Variants in COLEC12 observed in about 807,000 individuals in gnomAD.
COLEC12 encodes collectin-12.
In COLEC12, 33 loss-of-function variants were observed where a neutral mutation model predicts 71.1. The observed-to-expected ratio is 0.46, with a 90% CI of 0.35 to 0.62. The LOEUF (loss-of-function observed/expected upper bound fraction) is 0.62. Among genes scored for constraint, COLEC12 ranks in the 20% least tolerant of loss-of-function variants. The pLI is 0.00. For missense variants in COLEC12, 765 were observed against 916.1 expected (o/e 0.84, Z 2.13); for synonymous variants, 350 against 353.0 (o/e 0.99, Z 0.10).
At chr18:414,734 AGAT>A (rs1299225246) in intron 2 of COLEC12, among the ~76,000 whole-genome samples, 1 of 152,202 alleles carries the variant, frequency 6.6e-6, no homozygotes, top group Non-Finnish European at 1.5e-5. Context: ...GGCGGCCCAG[AGAT>A]GAAGTGACTT....
At chr18:417,596 C>T (rs141218171) in intron 2 of COLEC12, among the ~76,000 whole-genome samples, 50 of 152,306 alleles carry the variant, frequency 3.3e-4, no homozygotes, top group African/African-American at 1.1e-3. Flanking sequence ...CTTGCCCTAC[C>T]TTCTGGGCAG....
intron 8 of COLEC12, among the ~76,000 whole-genome samples, chr18:322,382 T>C (rs1362292877): frequency 3.3e-5 from 5 of 152,226 alleles, no homozygotes; most frequent in African/African-American, 7.2e-5. Flanking sequence ...TTGTAGAAGG[T>C]TGATTGCTTT....
At chr18:368,215 C>T (rs1274285) in intron 2 of COLEC12, among the ~76,000 whole-genome samples, 93,674 of 152,086 alleles carry the variant, frequency 0.62, 29,146 homozygotes, top group South Asian at 0.7. Flanking sequence ...TACGTTTGTA[C>T]ACACACACAC....
In COLEC12 at chr18:348,062, T is replaced by G; in HGVS notation, c.280+3A>C. Reference sequence around the variant, plus strand: ...TTCATGGTTTAGTCTTGTCACAGATTACCTAATTTTTTCAGGTCACTTTCC... The same window carrying G: ...TTCATGGTTTAGTCTTGTCACAGATGACCTAATTTTTTCAGGTCACTTTCC... On this transcript the variant is annotated splice_donor_region_variant and intron_variant, in intron 4 of 9. Transcript: ENST00000400256. The G allele has an allele frequency of 1.9e-6, 3 of 1,602,912 alleles. No individual in the cohort carries two copies. The highest frequency in any genetic ancestry group is 2.6e-6 in the Non-Finnish European group (3 of 1,170,030).
intron 2 of COLEC12, among the ~76,000 whole-genome samples, chr18:468,155 G>A (rs753044881): frequency 9.2e-5 from 14 of 151,954 alleles, no homozygotes; most frequent in Non-Finnish European, 1.9e-4. Flanking sequence ...CCAGCTGCTC[G>A]GGAGGCTGAG....
intron 2 of COLEC12, among the ~76,000 whole-genome samples, chr18:478,470 G>A (rs988394019): frequency 2.0e-5 from 3 of 152,084 alleles, no homozygotes; most frequent in African/African-American, 7.2e-5. Flanking sequence ...AAAATTAGCT[G>A]GACATAGTGG....
intron 2 of COLEC12, among the ~76,000 whole-genome samples, chr18:369,452 T>G (rs1002552621): frequency 1.2e-5 from 1 of 84,028 alleles, no homozygotes; most frequent in African/African-American, 4.8e-5. Context: ...GAATAATGTT[T>G]TTTTTTTTTA....
At position 452,416 on chromosome 18, in the gene COLEC12, G is replaced by C. The variant is rs538453868; in HGVS notation, c.58+28291C>G. On this transcript the variant is annotated intron_variant, in intron 2 of 9. Coordinates refer to ENST00000400256, the MANE Select transcript of COLEC12 (RefSeq NM_130386.3). ...AAACGGGGAGTACAGCACAGTGCCT[G>C]GCATATGGTAAGCTCTCACTAAATG... Among the ~76,000 whole-genome samples, 13 of 152,274 alleles carry C rather than the reference G, an allele frequency of 8.5e-5. No homozygotes were observed. In the East Asian group the frequency reaches 9.6e-4, roughly 11 times the overall value.
At chr18:397,432 A>G (rs1016699147) in intron 2 of COLEC12, among the ~76,000 whole-genome samples, 1 of 152,236 alleles carries the variant, frequency 6.6e-6, no homozygotes, top group Non-Finnish European at 1.5e-5. Flanking sequence ...AAGATATATG[A>G]TAACAATTAT....
chr18:340,383 TGTCA>T (rs1914223792), intron 5 of COLEC12, among the ~76,000 whole-genome samples: 1 of 152,184 alleles, frequency 6.6e-6, no homozygotes, highest in South Asian at 2.1e-4. Context: ...GGGTTTGTGC[TGTCA>T]GTGACACCTC....
At chr18:490,223 G>A (rs534801301) in intron 1 of COLEC12, among the ~76,000 whole-genome samples, 2 of 152,338 alleles carry the variant, frequency 1.3e-5, no homozygotes, top group Admixed American at 6.5e-5. Context: ...CAGGGAAAAC[G>A]TGAGACCAGC....
At chr18:341,075 C>T (rs1914241568) in intron 5 of COLEC12, among the ~76,000 whole-genome samples, 1 of 152,198 alleles carries the variant, frequency 6.6e-6, no homozygotes, top group Non-Finnish European at 1.5e-5. Flanking sequence ...ATTGCACTGT[C>T]CCCTGTCCCG....
chr18:348,961 A>C (rs1349788555), intron 3 of COLEC12, among the ~76,000 whole-genome samples: 1 of 152,180 alleles, frequency 6.6e-6, no homozygotes, highest in African/African-American at 2.4e-5. Context: ...GATAATTTGA[A>C]TAATGGGGGT....
intron 2 of COLEC12, among the ~76,000 whole-genome samples, chr18:437,267 G>A (rs73356599): frequency 2.0e-5 from 3 of 152,298 alleles, no homozygotes; most frequent in African/African-American, 4.8e-5. Context: ...CATAAAGACC[G>A]AGAAAGAACA....
At chr18:364,941 T>C (rs1227602776) in intron 2 of COLEC12, among the ~76,000 whole-genome samples, 2 of 151,908 alleles carry the variant, frequency 1.3e-5, no homozygotes, top group Non-Finnish European at 2.9e-5. Flanking sequence ...GAGCTGGGAG[T>C]TGAACCCAAA....
chr18:372,811 G>A (rs1915029745), intron 2 of COLEC12, among the ~76,000 whole-genome samples: 1 of 152,148 alleles, frequency 6.6e-6, no homozygotes, highest in Non-Finnish European at 1.5e-5. Context: ...TCTGCCAAGG[G>A]GACATTTAAC....
At chr18:356,606 G>A (rs1041652229) in intron 3 of COLEC12, among the ~76,000 whole-genome samples, 4 of 152,196 alleles carry the variant, frequency 2.6e-5, no homozygotes, top group Admixed American at 2.6e-4. Flanking sequence ...CAGACTCCAC[G>A]TCTGCCTCTG....
intron 2 of COLEC12, among the ~76,000 whole-genome samples, chr18:419,191 C>G (rs1180761990): frequency 2.1e-5 from 3 of 143,394 alleles, no homozygotes; most frequent in Non-Finnish European, 3.0e-5. Context: ...CTATTCTATT[C>G]TATTCTATTC....
intron 2 of COLEC12, among the ~76,000 whole-genome samples, chr18:475,200 A>T (rs1262312190): frequency 1.3e-5 from 2 of 152,200 alleles, no homozygotes; most frequent in Non-Finnish European, 1.5e-5. Context: ...CCCCACCAGG[A>T]GCACCGAGTT....
Sources: gnomAD v4.1 joint callset for allele counts (sites outside exome capture counted in the v4.1 genomes callset) on GRCh38, gnomAD v4.1.1 for gene constraint, MANE v1.5 for transcripts, NCBI Gene and HGNC (gene_info 2026-07-23, HGNC 2026-07-21) for gene names.